The following MYRIP variants were observed in gnomAD, a reference collection of about 807,000 sequenced individuals.
MYRIP encodes the protein rab effector MyRIP.
Under a neutral mutation model 98.0 loss-of-function variants are expected in MYRIP, and 49 were observed. That is an observed-to-expected ratio of 0.50 (90% CI 0.40 to 0.63). The LOEUF (loss-of-function observed/expected upper bound fraction) is 0.63. MYRIP is among the 30% of genes least tolerant of loss of function. MYRIP has a pLI of 0.00. For synonymous variants in MYRIP, 404 were observed against 409.5 expected, an observed-to-expected ratio of 0.99 and a Z score of 0.16; for missense variants, 1,004 against 1,058.2, an observed-to-expected ratio of 0.95 and a Z score of 0.71.
At chr3:40,122,407 ATAT>A (rs1037689788) in intron 3 of MYRIP, among the ~76,000 whole-genome samples, 10 of 151,470 alleles carry the variant, frequency 6.6e-5, no homozygotes, top group Non-Finnish European at 1.3e-4. Context: ...TTTTTAATAA[ATAT>A]TATAAATTTA....
At chr3:39,999,927 C>A (rs868184538) in intron 2 of MYRIP, among the ~76,000 whole-genome samples, 4 of 149,554 alleles carry the variant, frequency 2.7e-5, no homozygotes, top group African/African-American at 7.4e-5. Flanking sequence ...ATCGCAAGGA[C>A]AAAAAACCAA....
intron 2 of MYRIP, among the ~76,000 whole-genome samples, chr3:40,009,782 T>C (rs1413456056): frequency 6.6e-6 from 1 of 152,224 alleles, no homozygotes; most frequent in Non-Finnish European, 1.5e-5. Flanking sequence ...AGTGATTTTA[T>C]CCCGTGACTG....
intron 1 of MYRIP, among the ~76,000 whole-genome samples, chr3:39,823,018 C>A (rs1264672064): frequency 8.1e-6 from 1 of 123,300 alleles, no homozygotes. Context: ...TCTTTTCTTC[C>A]TTTTTTTTTT....
chr3:39,969,186 A>G (rs894977946), intron 2 of MYRIP, among the ~76,000 whole-genome samples: 2 of 152,154 alleles, frequency 1.3e-5, no homozygotes, highest in African/African-American at 4.8e-5. Context: ...GTATCCCGCA[A>G]CTTTGCTGAA....
In MYRIP at chr3:40,233,992, T is replaced by C. The variant is rs1304240089; in HGVS notation, c.2039T>C (p.Met680Thr). Residue 680 changes from methionine (M) to threonine (T), a missense_variant, in exon 12 of 17, where the codon ATG becomes ACG. By Grantham distance (81) the Met-to-Thr change is moderately conservative. Around this residue, in one of 3 missense-constraint regions of MYRIP, gnomAD observed 880 missense variants for 907.7 expected, o/e 0.97. Coordinates refer to ENST00000302541, the MANE Select transcript of MYRIP (RefSeq NM_015460.4). ...GTCCCTCCTGACAGACAGAAGGGGA[T>C]GTTTCCTCGTGGGACAGACCAAGTG... ...PQVPPDRQKG[M>T]FPRGTDQVRL... 1.1e-5 allele frequency: 17 copies of C among 1,613,228 alleles called. No individual in the cohort carries two copies. The highest frequency in any genetic ancestry group is 3.3e-5 in the Admixed American group (2 of 59,818).
At chr3:40,019,331 G>A (rs1026270891) in intron 2 of MYRIP, among the ~76,000 whole-genome samples, 7 of 151,976 alleles carry the variant, frequency 4.6e-5, no homozygotes, top group Non-Finnish European at 8.8e-5. Flanking sequence ...AACACACCAC[G>A]TTCAGTTATG....
intron 10 of MYRIP, chr3:40,208,930 G>C (rs991131706): frequency 2.6e-5 from 4 of 152,178 alleles, no homozygotes; most frequent in African/African-American, 7.2e-5. Context: ...AATACAGTCA[G>C]ATAGAAGGAA....
At chr3:39,976,390 A>G (rs1385019592) in intron 2 of MYRIP, among the ~76,000 whole-genome samples, 1 of 152,202 alleles carries the variant, frequency 6.6e-6, no homozygotes, top group Non-Finnish European at 1.5e-5. Context: ...AAGAGTCAGG[A>G]AACAACAGGT....
At chr3:40,007,354 A>G (rs1031426749) in intron 2 of MYRIP, among the ~76,000 whole-genome samples, 2 of 152,052 alleles carry the variant, frequency 1.3e-5, no homozygotes, top group African/African-American at 2.4e-5. Context: ...AAAAAAAAAA[A>G]ACCACACATG....
At chr3:39,975,006 A>T (rs1408947064) in intron 2 of MYRIP, among the ~76,000 whole-genome samples, 5 of 152,178 alleles carry the variant, frequency 3.3e-5, no homozygotes, top group African/African-American at 1.2e-4. Flanking sequence ...GCCCTCTCCC[A>T]CCATTCCAAT....
At chr3:40,134,136 CAAAA>C (rs578104385) in intron 3 of MYRIP, among the ~76,000 whole-genome samples, 12 of 152,120 alleles carry the variant, frequency 7.9e-5, no homozygotes, top group Non-Finnish European at 1.8e-4. Flanking sequence ...CTTTCCGAGT[CAAAA>C]AAAGGGATGA....
intron 8 of MYRIP, 23 bp from the exon 9 acceptor site, chr3:40,182,197 C>A (rs760736419): frequency 1.3e-6 from 2 of 1,588,086 alleles, no homozygotes; most frequent in South Asian, 2.3e-5. Flanking sequence ...GAGCTCACCC[C>A]TTCCCCTCTT....
chr3:40,229,227 T>C (rs1401053221), intron 11 of MYRIP, among the ~76,000 whole-genome samples: 1 of 152,056 alleles, frequency 6.6e-6, no homozygotes, highest in Non-Finnish European at 1.5e-5. Flanking sequence ...GTACATAGAG[T>C]AGAAATTTGT....
chr3:40,081,985 T>C (rs1948489146), intron 3 of MYRIP, among the ~76,000 whole-genome samples: 1 of 152,226 alleles, frequency 6.6e-6, no homozygotes, highest in Admixed American at 6.5e-5. Flanking sequence ...ATCCATGTTG[T>C]TGCAAATGAC....
chr3:39,953,808 A>G (rs140938901), intron 2 of MYRIP, among the ~76,000 whole-genome samples: 4,715 of 152,230 alleles, frequency 0.031, 242 homozygotes, highest in African/African-American at 0.11. Context: ...CTGGAAAATC[A>G]GGACACTCCC....
intron 3 of MYRIP, among the ~76,000 whole-genome samples, chr3:40,080,768 A>G (rs1020351046): frequency 1.2e-4 from 17 of 146,138 alleles, no homozygotes; most frequent in Non-Finnish European, 1.2e-4. Flanking sequence ...TCTCTACTGA[A>G]TAATTGTTTT....
intron 5 of MYRIP, among the ~76,000 whole-genome samples, chr3:40,163,903 A>G (rs1389841674): frequency 6.6e-6 from 1 of 152,128 alleles, no homozygotes; most frequent in African/African-American, 2.4e-5. Flanking sequence ...GTCCTGTATT[A>G]TCCTTACTAC....
intron 1 of MYRIP, among the ~76,000 whole-genome samples, chr3:39,838,635 A>G (rs140121179): frequency 2.0e-5 from 3 of 151,958 alleles, no homozygotes; most frequent in East Asian, 3.9e-4. Flanking sequence ...GGATTTTCGC[A>G]TTGATGTTCT....
chr3:39,843,671 G>T (rs1170727264), intron 1 of MYRIP, among the ~76,000 whole-genome samples: 1 of 152,154 alleles, frequency 6.6e-6, no homozygotes, highest in African/African-American at 2.4e-5. Context: ...CTCAAGTGAT[G>T]GATAACAGTG....
Sources: allele counts gnomAD v4.1 joint callset (sites outside exome capture counted in the v4.1 genomes callset), GRCh38; gene constraint gnomAD v4.1.1; regional missense constraint gnomAD v4.1.1; transcripts MANE v1.5; gene names NCBI Gene and HGNC (gene_info 2026-07-23, HGNC 2026-07-21).